SUPT20H: variants seen among roughly 807,000 people sequenced by gnomAD.
SUPT20H encodes the protein SPT20 homolog, SAGA complex component, also known as transcription factor SPT20 homolog.
A neutral mutation model predicts 122.8 loss-of-function variants in SUPT20H; 82 were observed. The ratio of observed to expected loss-of-function variants is 0.67; its 90% confidence interval spans 0.56 to 0.80. The LOEUF is 0.80. SUPT20H is among the 30% of genes least tolerant of loss of function. SUPT20H has a pLI of 0.00. For missense variants in SUPT20H, 831 were observed against 921.6 expected, an observed-to-expected ratio of 0.90 and a Z score of 1.27; for synonymous variants, 291 against 313.0, an observed-to-expected ratio of 0.93 and a Z score of 0.74.
chr13:37,047,007 C>A (rs753765066), intron 5 of SUPT20H: 7 of 152,156 alleles, frequency 4.6e-5, no homozygotes, highest in Non-Finnish European at 8.8e-5. Flanking sequence ...ATCAATAAAT[C>A]GACTTCTGTT....
chr13:37,047,667 A>T, intron 4 of SUPT20H, 66 bp from the exon 5 acceptor site: 2 of 1,293,894 alleles, frequency 1.5e-6, no homozygotes, highest in Non-Finnish European at 2.1e-6. Context: ...CATGAATGTT[A>T]TTTAATTTTT....
Position 37,048,605 on chromosome 13 carries a change from A to C in SUPT20H, c.4-6T>G. ...GCTAGTTCTAAAGCTTGTTGCTGTA[A>C]AAAGTAAATAGTATATTTGGTAATA... On this transcript the variant is annotated splice_region_variant and splice_polypyrimidine_tract_variant and intron_variant, in intron 2 of 25. Coordinates refer to ENST00000350612, the MANE Select transcript of SUPT20H (RefSeq NM_001014286.3). The C allele has an allele frequency of 6.2e-7, 1 of 1,600,642 alleles. No homozygotes were observed. Among genetic ancestry groups the C allele is most frequent in the Non-Finnish European group, 8.5e-7 (1 of 1,174,714 alleles).
In SUPT20H at chr13:37,024,574, C is replaced by A. The variant is rs552738849; in HGVS notation, c.1330-132G>T. Reference sequence around the variant, plus strand: ...TATAAATCCCAGATTTTTAACTCTGCAAAGTGCTCTTAGTGGTTACAGATT... The same window carrying A: ...TATAAATCCCAGATTTTTAACTCTGAAAAGTGCTCTTAGTGGTTACAGATT... On this transcript the variant is annotated intron_variant, in intron 17 of 25. Transcript: ENST00000350612. 3 of 570,924 alleles carry A rather than the reference C, an allele frequency of 5.3e-6. No individual in the cohort carries two copies. In the African/African-American group the frequency reaches 5.8e-5, roughly 11 times the overall value. 35.4% of individuals were successfully genotyped at this position (570,924 alleles called of 1,614,324 possible).
chr13:37,023,167 G>A, intron 19 of SUPT20H: 1 of 909,396 alleles, frequency 1.1e-6, no homozygotes, highest in South Asian at 2.3e-5. Context: ...GTGTGAATAA[G>A]ACTTTCAGAA....
At position 37,033,550 on chromosome 13, in the gene SUPT20H, A is replaced by T; in HGVS notation, c.606T>A (p.Ala202=). Residue 202 remains alanine, a synonymous_variant, in exon 10 of 26, where the codon GCT becomes GCA. Transcript: ENST00000350612. ...KLLLESQLIL[A]TAEPLCLDPS... ...GATCAAGACAGAGTGGTTCAGCTGT[A>T]GCTAGGATGAGCTGGCTCTCAAGCA... The T allele has an allele frequency of 6.2e-7, 1 of 1,613,530 alleles. No homozygotes were observed. The highest frequency in any genetic ancestry group is 8.5e-7 in the Non-Finnish European group (1 of 1,179,740).
At chr13:37,010,042 C>T (rs1031524039) in intron 25 of SUPT20H, among the ~76,000 whole-genome samples, 1 of 152,168 alleles carries the variant, frequency 6.6e-6, no homozygotes, top group Admixed American at 6.5e-5. Flanking sequence ...TGTTACTTTG[C>T]CCTGCCAGTC....
chr13:37,059,001 C>CCG (rs2069946449), intron 1 of SUPT20H, among the ~76,000 whole-genome samples: 3 of 152,208 alleles, frequency 2.0e-5, no homozygotes, highest in Admixed American at 2.0e-4. Context: ...CCCCACTACG[C>CCG]AGTGGCTACG....
intron 7 of SUPT20H, among the ~76,000 whole-genome samples, chr13:37,043,736 T>C (rs1594408666): frequency 6.6e-6 from 1 of 151,718 alleles, no homozygotes; most frequent in Non-Finnish European, 1.5e-5. Context: ...GTTTTCCTCT[T>C]CCTTCTCTAA....
At chr13:37,030,896 T>C (rs1022978588) in intron 12 of SUPT20H, among the ~76,000 whole-genome samples, 4 of 152,202 alleles carry the variant, frequency 2.6e-5, no homozygotes, top group African/African-American at 9.6e-5. Context: ...GTAATTTCTT[T>C]TTTTTAAATC....
chr13:37,031,932 T>TA, intron 10 of SUPT20H, 37 bp from the exon 11 acceptor site: 2 of 1,530,362 alleles, frequency 1.3e-6, no homozygotes, highest in Non-Finnish European at 1.7e-6. Flanking sequence ...ACGGCACTAA[T>TA]AAAAGAAACT....
Position 37,054,952 on chromosome 13 carries a change from A to T in SUPT20H, c.-93-3369T>A, listed in dbSNP as rs1408746689. ...TACAAAATCAATGTGCAAAAATCAC[A>T]AGCATTCTTATACACCAATAACAGA... On this transcript the variant is annotated intron_variant, in intron 1 of 25. Coordinates refer to ENST00000350612, the MANE Select transcript of SUPT20H (RefSeq NM_001014286.3). 2.0e-5 allele frequency among the ~76,000 whole-genome samples: 3 copies of T among 152,214 alleles called. No individual in the cohort carries two copies. In the East Asian group the frequency reaches 5.8e-4, roughly 29 times the overall value.
At chr13:37,056,808 CAGG>C (rs2069172554) in intron 1 of SUPT20H, 1 of 151,546 alleles carries the variant, frequency 6.6e-6, no homozygotes, top group East Asian at 1.9e-4. Flanking sequence ...TCTATAACTA[CAGG>C]AGTTCTTATC....
intron 22 of SUPT20H, among the ~76,000 whole-genome samples, chr13:37,017,572 G>C (rs1429940550): frequency 6.6e-6 from 1 of 152,146 alleles, no homozygotes; most frequent in Non-Finnish European, 1.5e-5. Context: ...GGGCTCCCAA[G>C]TATGCTAATA....
intron 1 of SUPT20H, among the ~76,000 whole-genome samples, chr13:37,056,238 C>A (rs945109065): frequency 6.6e-6 from 1 of 152,126 alleles, no homozygotes; most frequent in African/African-American, 2.4e-5. Flanking sequence ...GTAGAAATAC[C>A]ATTTGACCCA....
At chr13:37,027,578 C>G (rs1326267545) in intron 14 of SUPT20H, among the ~76,000 whole-genome samples, 2 of 151,922 alleles carry the variant, frequency 1.3e-5, no homozygotes, top group African/African-American at 4.8e-5. Context: ...GTTTTCAAAA[C>G]AGAAAACTTA....
At chr13:37,025,180 G>A in intron 17 of SUPT20H, 140 bp downstream of exon 17, 1 of 717,522 alleles carries the variant, frequency 1.4e-6, no homozygotes, top group Non-Finnish European at 2.5e-6. Flanking sequence ...GACCTCAGGT[G>A]ATCCACCCAC....
intron 24 of SUPT20H, among the ~76,000 whole-genome samples, chr13:37,011,501 ACAGT>A (rs2059619421): frequency 6.6e-6 from 1 of 152,194 alleles, no homozygotes; most frequent in Non-Finnish European, 1.5e-5. Context: ...TGCTGACAAC[ACAGT>A]CACTCATTCA....
At position 37,051,555 on chromosome 13, in the gene SUPT20H, AC is replaced by A; in HGVS notation, c.-66del. ...TGTACGCTGATGAAGTGGGGTGAAC[AC>A]CATGCCTTTAACATCAATCTTACAG... On this transcript the variant is annotated 5_prime_UTR_variant, in exon 2 of 26. The change abolishes the stop of an existing upstream ORF in the 5' untranslated region. Transcript: ENST00000350612. The A allele has an allele frequency of 8.0e-6, 12 of 1,502,632 alleles. No homozygotes were observed. The highest frequency in any genetic ancestry group is 1.1e-5 in the Non-Finnish European group (12 of 1,088,068). The allele number at this position is 1,502,632 out of a possible 1,614,324, so 93.1% of individuals were successfully genotyped here.
At chr13:37,051,699 A>C in intron 1 of SUPT20H, 116 bp from the exon 2 acceptor site, 1 of 442,372 alleles carries the variant, frequency 2.3e-6, no homozygotes, top group Non-Finnish European at 4.1e-6. Flanking sequence ...TAAGACATAC[A>C]TATTTTTAAG....
Sources: gnomAD v4.1 joint callset for allele counts (sites outside exome capture counted in the v4.1 genomes callset) on GRCh38, gnomAD v4.1.1 for gene constraint, MANE v1.5 for transcripts, NCBI Gene and HGNC (gene_info 2026-07-23, HGNC 2026-07-21) for gene names.